Variants in IFI44L observed in about 807,000 individuals in gnomAD.
The protein encoded by IFI44L is interferon induced protein 44 like, also known as interferon-induced protein 44-like.
IFI44L carries 40 observed loss-of-function variants against 39.3 expected under a neutral mutation model. The ratio of observed to expected loss-of-function variants is 1.02; its 90% CI spans 0.79 to 1.33. The LOEUF is 1.33. Ranked by LOEUF, IFI44L falls within the 40% of genes most tolerant of loss-of-function variation. The pLI, the probability that IFI44L is intolerant of heterozygous loss-of-function variation, is 0.00. For synonymous variants in IFI44L, 198 were observed against 182.3 expected (o/e 1.09, Z -0.69); for missense variants, 623 against 549.0 (o/e 1.13, Z -1.35).
rs755526332 is a variant in IFI44L, at chr1:78,641,010, A to G, written c.1049-11A>G. 5 of 1,572,066 alleles carry G rather than the reference A, an allele frequency of 3.2e-6. No homozygotes were observed. Among genetic ancestry groups the G allele is most frequent in the East Asian group, 2.2e-5 (1 of 44,594 alleles). ...ATGATATAAAATAACTGATTTATCT[A>G]TTTGATATAGGTATAGCATATGTGG... On this transcript the variant is annotated splice_polypyrimidine_tract_variant and intron_variant, in intron 6 of 8. Coordinates refer to ENST00000370751, the MANE Select transcript of IFI44L (RefSeq NM_006820.4).
At chr1:78,630,685 G>A (rs1652717956) in intron 4 of IFI44L, among the ~76,000 whole-genome samples, 1 of 152,070 alleles carries the variant, frequency 6.6e-6, no homozygotes, top group Admixed American at 6.6e-5. Flanking sequence ...TTTAGCATAA[G>A]ACAGCATAAT....
Position 78,629,768 on chromosome 1 carries a change from AG to A in IFI44L, c.577del (p.Asp193ThrfsTer33). On this transcript the variant is annotated frameshift_variant, in exon 4 of 9. Coordinates refer to ENST00000370751, the MANE Select transcript of IFI44L (RefSeq NM_006820.4). LOFTEE classifies it high-confidence loss of function. ...ACATCAGAGACTATAGGCCCTATGC[AG>A]ACTTGGTTTCAGAAATTCGTATTCT... The part of the protein sequence containing the change: ...ADIRDYRPYA[D>X]LVSEIRILLV... 1 of 1,613,800 alleles carries A rather than the reference AG, an allele frequency of 6.2e-7. No homozygotes were observed. Among genetic ancestry groups the A allele is most frequent in the Admixed American group, 1.7e-5 (1 of 59,978 alleles).
intron 1 of IFI44L, among the ~76,000 whole-genome samples, chr1:78,623,596 G>A (rs1034252074): frequency 6.6e-6 from 1 of 151,962 alleles, no homozygotes; most frequent in African/African-American, 2.4e-5. Flanking sequence ...GTGTTGGAGG[G>A]CGAGAAGTCT....
intron 3 of IFI44L, among the ~76,000 whole-genome samples, chr1:78,629,359 T>C (rs1652653431): frequency 6.6e-6 from 1 of 152,166 alleles, no homozygotes; most frequent in African/African-American, 2.4e-5. Context: ...ACATTGCATA[T>C]ATTTTATTTT....
At chr1:78,641,377 T>C (rs1026029335) in intron 7 of IFI44L, 58 bp from the exon 8 acceptor site, 3 of 1,482,832 alleles carry the variant, frequency 2.0e-6, no homozygotes, top group Admixed American at 2.0e-5. Context: ...TATTTAAAAT[T>C]GGTCAAATTT....
chr1:78,637,752 C>A (rs139211631), intron 6 of IFI44L, among the ~76,000 whole-genome samples: 43 of 152,138 alleles, frequency 2.8e-4, no homozygotes, highest in Non-Finnish European at 5.4e-4. Context: ...TTTGACTCAA[C>A]CTAATATCCT....
intron 6 of IFI44L, among the ~76,000 whole-genome samples, chr1:78,639,949 T>C (rs575853891): frequency 6.6e-6 from 1 of 152,264 alleles, no homozygotes; most frequent in East Asian, 1.9e-4. Flanking sequence ...ATTTAATTGC[T>C]CTGAACTTTA....
intron 4 of IFI44L, among the ~76,000 whole-genome samples, chr1:78,633,151 C>G (rs904904221): frequency 6.6e-6 from 1 of 152,152 alleles, no homozygotes; most frequent in Non-Finnish European, 1.5e-5. Flanking sequence ...TTATCTGCAT[C>G]ACCCCCCTCA....
rs374279517 is a variant in IFI44L, at chr1:78,628,254, G to A, written c.339G>A (p.Val113=). ...CAAAAATTATTGATGAGCAACTGGT[G>A]TGTCGTTTATCGAAAACGGATATTT... The part of the protein sequence containing the change: ...TAPKIIDEQL[V]CRLSKTDIFI... The change falls in exon 2 of 9, where the codon GTG becomes GTA. Residue 113 remains valine (V), a synonymous_variant. Coordinates refer to ENST00000370751, the MANE Select transcript of IFI44L (RefSeq NM_006820.4). 142 of 1,611,472 alleles carry A rather than the reference G, an allele frequency of 8.8e-5. No homozygotes were observed. The highest frequency in any genetic ancestry group is 1.2e-4 in the Non-Finnish European group (136 of 1,178,568).
chr1:78,634,283 T>C (rs984974547), intron 4 of IFI44L, among the ~76,000 whole-genome samples: 4 of 152,000 alleles, frequency 2.6e-5, no homozygotes, highest in Non-Finnish European at 4.4e-5. Context: ...AAAATCAAAC[T>C]GTAAAATATC....
At chr1:78,634,176 C>T (rs894370438) in intron 4 of IFI44L, among the ~76,000 whole-genome samples, 4 of 151,780 alleles carry the variant, frequency 2.6e-5, no homozygotes, top group African/African-American at 9.7e-5. Flanking sequence ...TAGCAAAAAA[C>T]TTTTAAAACC....
chr1:78,642,740 T>A lies in IFI44L; in HGVS notation c.*931T>A, dbSNP rs1342326658. On this transcript the variant is annotated 3_prime_UTR_variant, in exon 9 of 9. Coordinates refer to ENST00000370751, the MANE Select transcript of IFI44L (RefSeq NM_006820.4). ...TGAATTAATTAAAATGAGCCAACTT[T>A]TTTTTAACAATTTACATTTTATTTC... 1.3e-5 allele frequency: 2 copies of A among 152,202 alleles called. No homozygotes were observed. The highest frequency in any genetic ancestry group is 4.8e-5 in the African/African-American group (2 of 41,460). 9.4% of individuals were successfully genotyped at this position (152,202 alleles called of 1,614,324 possible).
At position 78,644,448 on chromosome 1, in the gene IFI44L, A is replaced by G. The variant is rs1024775919; in HGVS notation, c.*2639A>G. Reference sequence around the variant, plus strand: ...CCACAACTTCTTATTCTCTGGCTCTATATTGCTTTGGAAACACTTAAACAT... The same window carrying G: ...CCACAACTTCTTATTCTCTGGCTCTGTATTGCTTTGGAAACACTTAAACAT... On this transcript the variant is annotated 3_prime_UTR_variant, in exon 9 of 9. Transcript: ENST00000370751. 7 of 152,192 alleles carry G rather than the reference A, an allele frequency of 4.6e-5. No homozygotes were observed. Among genetic ancestry groups the G allele is most frequent in the African/African-American group, 1.4e-4 (6 of 41,442 alleles). 9.4% of individuals were successfully genotyped at this position (152,192 alleles called of 1,614,324 possible).
At chr1:78,640,891 G>T in intron 6 of IFI44L, 130 bp from the exon 7 acceptor site, 1 of 581,050 alleles carries the variant, frequency 1.7e-6, no homozygotes, top group East Asian at 2.8e-5. Context: ...TCCATATTGA[G>T]ATGTATTGGG....
chr1:78,641,290 C>A (rs1043621288), intron 7 of IFI44L, 145 bp from the exon 8 acceptor site: 1 of 871,422 alleles, frequency 1.1e-6, no homozygotes, highest in Non-Finnish European at 1.8e-6. Context: ...CACTTTAAAA[C>A]TGCAATGATC....
In IFI44L at chr1:78,643,813, A is replaced by G. The variant is rs1475891243; in HGVS notation, c.*2004A>G. The G allele has an allele frequency of 6.6e-6, 1 of 152,072 alleles. No individual in the cohort carries two copies. The highest frequency in any genetic ancestry group is 2.4e-5 in the African/African-American group (1 of 41,418). The allele number at this position is 152,072 out of a possible 1,614,324, so 9.4% of individuals were successfully genotyped here. A position where few individuals can be genotyped will look rare whatever the true frequency, so the allele number is the denominator to read the frequency against. ...ATATATTATCTTATAGAAATAACTA[A>G]GGGAAGTTAGTGCCTTGTGACCACA... On this transcript the variant is annotated 3_prime_UTR_variant, in exon 9 of 9. Coordinates refer to ENST00000370751, the MANE Select transcript of IFI44L (RefSeq NM_006820.4).
In IFI44L at chr1:78,629,861, C is replaced by A. The variant is rs1652678837; in HGVS notation, c.669C>A (p.Gly223=). The part of the protein sequence containing the change: ...FFNSVKSIFH[G]HVTGQAVVGS... ...ATTCAGTCAAGTCTATTTTTCATGGCCATGTGACTGGCCAAGCCGTAGTGG... is the reference window on the plus strand; with the variant it reads ...ATTCAGTCAAGTCTATTTTTCATGGACATGTGACTGGCCAAGCCGTAGTGG... The change falls in exon 4 of 9, where the codon GGC becomes GGA. Residue 223 remains glycine, a synonymous_variant. Transcript: ENST00000370751. 1 of 1,613,740 alleles carries A rather than the reference C, an allele frequency of 6.2e-7. No individual in the cohort carries two copies. Among genetic ancestry groups the A allele is most frequent in the Non-Finnish European group, 8.5e-7 (1 of 1,179,808 alleles).
In IFI44L at chr1:78,642,273, T is replaced by C. The variant is rs535169406; in HGVS notation, c.*464T>C. ...AGTGCCTGGTAATGAGCAAGCATAC[T>C]TGCCATTACTTTTCCTTCCCACTCT... On this transcript the variant is annotated 3_prime_UTR_variant, in exon 9 of 9. Coordinates refer to ENST00000370751, the MANE Select transcript of IFI44L (RefSeq NM_006820.4). The C allele has an allele frequency of 6.5e-6, 1 of 154,626 alleles. No homozygotes were observed. Among genetic ancestry groups the C allele is most frequent in the Non-Finnish European group, 1.4e-5 (1 of 69,834 alleles). The allele number at this position is 154,626 out of a possible 1,614,324, so 9.6% of individuals were successfully genotyped here.
In IFI44L at chr1:78,641,819, C is replaced by T; in HGVS notation, c.*10C>T. 6.2e-7 allele frequency: 1 copy of T among 1,613,138 alleles called. No individual in the cohort carries two copies. The highest frequency in any genetic ancestry group is 8.5e-7 in the Non-Finnish European group (1 of 1,179,168). Reference sequence around the variant, plus strand: ...ACAGCCCTGCATTTGAGATAAGTTGCCTTGATTCTGACATTTGGCCCAGCC... The same window carrying T: ...ACAGCCCTGCATTTGAGATAAGTTGTCTTGATTCTGACATTTGGCCCAGCC... On this transcript the variant is annotated 3_prime_UTR_variant, in exon 9 of 9. Transcript: ENST00000370751.
Sources: gnomAD v4.1 joint callset for allele counts (sites outside exome capture counted in the v4.1 genomes callset) on GRCh38, gnomAD v4.1.1 for gene constraint, MANE v1.5 for transcripts, NCBI Gene and HGNC (gene_info 2026-07-23, HGNC 2026-07-21) for gene names.